CNTNAP2: variants seen among roughly 807,000 people sequenced by gnomAD.
CNTNAP2 encodes the protein contactin-associated protein-like 2.
In CNTNAP2, 98 loss-of-function variants were observed where a neutral mutation model predicts 155.2. The ratio of observed to expected loss-of-function variants is 0.63; its 90% CI spans 0.54 to 0.75. The LOEUF (loss-of-function observed/expected upper bound fraction) is 0.75. CNTNAP2 is among the 30% of genes least tolerant of loss of function. The pLI is 0.00. For missense variants in CNTNAP2, 1,727 were observed against 1,688.1 expected (o/e 1.02, Z -0.40); for synonymous variants, 651 against 631.2 (o/e 1.03, Z -0.47).
At chr7:146,462,814 T>A (rs1796657666) in intron 1 of CNTNAP2, among the ~76,000 whole-genome samples, 1 of 152,224 alleles carries the variant, frequency 6.6e-6, no homozygotes, top group Non-Finnish European at 1.5e-5. Flanking sequence ...GTGGATCACA[T>A]GATTGATCCC....
At chr7:147,229,992 T>G (rs1429400330) in intron 8 of CNTNAP2, among the ~76,000 whole-genome samples, 2 of 152,142 alleles carry the variant, frequency 1.3e-5, no homozygotes, top group Non-Finnish European at 2.9e-5. Context: ...ACTACGAGTT[T>G]CCAATCTTTA....
intron 12 of CNTNAP2, among the ~76,000 whole-genome samples, chr7:147,605,174 A>G (rs1161284218): frequency 1.1e-4 from 17 of 152,118 alleles, no homozygotes; most frequent in Non-Finnish European, 1.5e-5. Flanking sequence ...ATCATTTAGC[A>G]TTAATTATTT....
At chr7:146,537,856 G>T (rs995675889) in intron 1 of CNTNAP2, among the ~76,000 whole-genome samples, 1 of 152,048 alleles carries the variant, frequency 6.6e-6, no homozygotes, top group Non-Finnish European at 1.5e-5. Context: ...TGGGGAGAGA[G>T]CAGGCATAGA....
intron 13 of CNTNAP2, among the ~76,000 whole-genome samples, chr7:147,850,533 T>G (rs893052560): frequency 1.3e-5 from 2 of 152,186 alleles, no homozygotes; most frequent in African/African-American, 4.8e-5. Flanking sequence ...ACTACAAGGC[T>G]ACAGTAACCA....
intron 1 of CNTNAP2, among the ~76,000 whole-genome samples, chr7:146,735,550 G>A (rs540307774): frequency 2.0e-5 from 3 of 152,054 alleles, no homozygotes; most frequent in South Asian, 2.1e-4. Flanking sequence ...GCAAGACTCT[G>A]TCTCAAAAAA....
chr7:148,349,258 CAG>C (rs1160663822), intron 21 of CNTNAP2, among the ~76,000 whole-genome samples: 6 of 152,070 alleles, frequency 3.9e-5, no homozygotes, highest in Non-Finnish European at 8.8e-5. Flanking sequence ...GATCTAAAGA[CAG>C]GGGGTTCCAG....
intron 9 of CNTNAP2, among the ~76,000 whole-genome samples, chr7:147,358,709 T>C (rs144323379): frequency 1.2e-4 from 19 of 152,260 alleles, no homozygotes; most frequent in African/African-American, 4.6e-4. Context: ...TTATTTTCAA[T>C]GAAATTTTAG....
rs565450838 is a variant in CNTNAP2, at chr7:147,455,689, C to T, written c.1671-30246C>T. ...ATGAAAAATCTGGCAAAGAATTTAC[C>T]AAAAGAAAGCAAAAACAAAAACAAA... On this transcript the variant is annotated intron_variant, in intron 10 of 23. Transcript: ENST00000361727. 2.0e-5 allele frequency among the ~76,000 whole-genome samples: 3 copies of T among 149,664 alleles called. No homozygotes were observed. In the Admixed American group the frequency reaches 2.0e-4, roughly 10 times the overall value.
intron 16 of CNTNAP2, among the ~76,000 whole-genome samples, chr7:148,137,531 G>A (rs141930260): frequency 1.6e-4 from 24 of 152,254 alleles, no homozygotes; most frequent in Non-Finnish European, 2.2e-4. Context: ...ATGTGGTGGC[G>A]CGTGCCTGCG....
At chr7:146,674,200 C>T (rs1298998566) in intron 1 of CNTNAP2, among the ~76,000 whole-genome samples, 1 of 152,116 alleles carries the variant, frequency 6.6e-6, no homozygotes, top group Non-Finnish European at 1.5e-5. Context: ...AATCTAAGTT[C>T]TAGTGCTCTT....
At chr7:147,702,541 A>C (rs1277990303) in intron 13 of CNTNAP2, among the ~76,000 whole-genome samples, 1 of 150,928 alleles carries the variant, frequency 6.6e-6, no homozygotes, top group Non-Finnish European at 1.5e-5. Flanking sequence ...CGGTGGGAAA[A>C]TTGTACAGAA....
At chr7:147,663,470 T>C (rs73741207) in intron 13 of CNTNAP2, among the ~76,000 whole-genome samples, 7,614 of 152,316 alleles carry the variant, frequency 0.05, 628 homozygotes, top group African/African-American at 0.17. Flanking sequence ...ATAAGTAGAA[T>C]TGGTCAAAGA....
intron 1 of CNTNAP2, among the ~76,000 whole-genome samples, chr7:146,606,631 A>G (rs976290959): frequency 6.6e-6 from 1 of 152,172 alleles, no homozygotes; most frequent in Non-Finnish European, 1.5e-5. Flanking sequence ...TTGACCTCCA[A>G]TATTTAATTC....
chr7:146,605,193 G>C lies in CNTNAP2; in HGVS notation c.98-169078G>C, dbSNP rs185523647. ...AAACTGAAAGTTCCATGGACATAGA[G>C]ACTATGTCTTGTTTCTTTATTGTAT... On this transcript the variant is annotated intron_variant, in intron 1 of 23. Coordinates refer to ENST00000361727, the MANE Select transcript of CNTNAP2 (RefSeq NM_014141.6). Among the ~76,000 whole-genome samples the C allele has an allele frequency of 8.8e-4, 133 of 150,868 alleles. 1 individual carries two copies. The highest frequency in any genetic ancestry group is 3.0e-3 in the African/African-American group (124 of 41,254).
chr7:148,330,826 T>C (rs1453787370), intron 21 of CNTNAP2, among the ~76,000 whole-genome samples: 3 of 137,486 alleles, frequency 2.2e-5, no homozygotes, highest in South Asian at 4.7e-4. Context: ...AGTGGACAGA[T>C]GGAATGGACG....
chr7:146,196,693 T>C (rs1486483090), intron 1 of CNTNAP2, among the ~76,000 whole-genome samples: 1 of 152,096 alleles, frequency 6.6e-6, no homozygotes, highest in Non-Finnish European at 1.5e-5. Flanking sequence ...TAGAAAACTA[T>C]AAATAGTTCA....
Position 148,367,915 on chromosome 7 carries a change from G to A in CNTNAP2, c.3476-15734G>A, listed in dbSNP as rs562605694. On this transcript the variant is annotated intron_variant, in intron 21 of 23. Coordinates refer to ENST00000361727, the MANE Select transcript of CNTNAP2 (RefSeq NM_014141.6). ...TCAACATGTACAGACAGTTAAAAGAGTCACGGTAATGATAGGACTAGAGAA... is the reference window on the plus strand; with the variant it reads ...TCAACATGTACAGACAGTTAAAAGAATCACGGTAATGATAGGACTAGAGAA... Among the ~76,000 whole-genome samples the A allele has an allele frequency of 2.6e-5, 4 of 152,248 alleles. No homozygotes were observed. In the East Asian group the frequency reaches 7.7e-4, roughly 29 times the overall value.
intron 7 of CNTNAP2, among the ~76,000 whole-genome samples, chr7:147,129,887 C>A (rs1056008679): frequency 2.0e-4 from 31 of 151,884 alleles, no homozygotes; most frequent in Non-Finnish European, 3.8e-4. Context: ...AAAACTTGAA[C>A]TTTGGTTAAA....
rs184889036 is a variant in CNTNAP2 at position 146,988,422 on chromosome 7, G to A, written c.403-55485G>A. On this transcript the variant is annotated intron_variant, in intron 3 of 23. Coordinates refer to ENST00000361727, the MANE Select transcript of CNTNAP2 (RefSeq NM_014141.6). ...CTATATAGGTTTTGTCCTTCACAGA[G>A]GTAGAAAAAATACATTTAATCACTT... Among the ~76,000 whole-genome samples the A allele has an allele frequency of 4.4e-3, 675 of 152,144 alleles. 9 individuals carry two copies. The highest frequency in any genetic ancestry group is 0.015 in the African/African-American group (631 of 41,518).
Sources: gnomAD v4.1 joint callset for allele counts (sites outside exome capture counted in the v4.1 genomes callset) on GRCh38, gnomAD v4.1.1 for gene constraint, MANE v1.5 for transcripts, NCBI Gene and HGNC (gene_info 2026-07-23, HGNC 2026-07-21) for gene names.